The following ZNF746 variants were observed in gnomAD, a reference collection of about 807,000 sequenced individuals.
ZNF746 encodes the protein zinc finger protein 746.
ZNF746 carries 13 observed loss-of-function variants against 41.0 expected under a neutral mutation model. The ratio of observed to expected loss-of-function variants is 0.32; its 90% CI spans 0.21 to 0.50. The LOEUF is 0.50. ZNF746 is among the 20% of genes least tolerant of loss of function. The pLI is 0.98. For missense variants in ZNF746, 811 were observed against 922.9 expected, an observed-to-expected ratio of 0.88 and a Z score of 1.57; for synonymous variants, 424 against 396.2, an observed-to-expected ratio of 1.07 and a Z score of -0.83.
chr7:149,477,540 T>C, intron 5 of ZNF746, 24 bp downstream of exon 5: 1 of 1,576,318 alleles, frequency 6.3e-7, no homozygotes, highest in Non-Finnish European at 8.7e-7. Flanking sequence ...ACTTGTTCCT[T>C]ATGTCCCCGT....
chr7:149,483,656 C>T (rs1157887358), intron 4 of ZNF746, among the ~76,000 whole-genome samples: 2 of 150,378 alleles, frequency 1.3e-5, no homozygotes, highest in Admixed American at 6.6e-5. Context: ...ATGGGTTAAG[C>T]GTCAATGCAA....
At chr7:149,481,532 G>T (rs1219237222) in intron 4 of ZNF746, among the ~76,000 whole-genome samples, 1 of 152,132 alleles carries the variant, frequency 6.6e-6, no homozygotes, top group Non-Finnish European at 1.5e-5. Context: ...ATCCACAAAT[G>T]TGGAATACAT....
Position 149,474,603 on chromosome 7 carries a change from G to T in ZNF746, c.1764C>A (p.Gly588=). ...GGTGGTCCTTGCGGATGAAGCTTTTGCCGCAGACGGTGCAGGTGAAGGGCC... is the reference window on the plus strand; with the variant it reads ...GGTGGTCCTTGCGGATGAAGCTTTTTCCGCAGACGGTGCAGGTGAAGGGCC... ...GVRPFTCTVC[G]KSFIRKDHLR... is the part of the protein sequence containing the mutation. Residue 588 remains glycine (G), a synonymous_variant, in exon 7 of 7, where the codon GGC becomes GGA. Transcript: ENST00000458143. This position sits in a 1 kb window ranked among gnomAD's most constrained non-coding sequence, Gnocchi z 6.3. 1 of 1,613,000 alleles carries T rather than the reference G, an allele frequency of 6.2e-7. No homozygotes were observed. The highest frequency in any genetic ancestry group is 8.5e-7 in the Non-Finnish European group (1 of 1,179,384).
At chr7:149,496,816 T>A in intron 1 of ZNF746, 1 of 985,312 alleles carries the variant, frequency 1.0e-6, no homozygotes, top group Non-Finnish European at 1.2e-6. Flanking sequence ...CCCCTTTCTG[T>A]TTTGCACGAT....
In ZNF746 at chr7:149,475,450, T is replaced by C. The variant is rs748238508; in HGVS notation, c.917A>G (p.Gln306Arg). Residue 306 changes from glutamine (Q) to arginine (R), a missense_variant, in exon 7 of 7, where the codon CAG becomes CGG. Transcript: ENST00000458143. ...GGGTGTGGCCACCACCTCCTCTTCC[T>C]GGACTTCTGTTTTTATTACAATTTT... is the stretch of plus-strand genomic sequence containing the variant. ...DVKIVIKTEVQEEEVVATPVH... is the reference protein window; with the variant it reads ...DVKIVIKTEVREEEVVATPVH... The C allele has an allele frequency of 6.2e-7, 1 of 1,613,356 alleles. No homozygotes were observed. The highest frequency in any genetic ancestry group is 8.5e-7 in the Non-Finnish European group (1 of 1,179,504).
Position 149,494,448 on chromosome 7 carries a change from G to A in ZNF746, c.80C>T (p.Ser27Leu), listed in dbSNP as rs766041859. 17 of 1,613,872 alleles carry A rather than the reference G, an allele frequency of 1.1e-5. No homozygotes were observed. Among genetic ancestry groups the A allele is most frequent in the South Asian group, 2.2e-5 (2 of 91,084 alleles). The change falls in exon 2 of 7, where the codon TCG (serine) becomes TTG (leucine). Residue 27 changes from serine to leucine, a missense_variant. Physicochemically the swap from Ser to Leu is moderately radical, Grantham distance 145. Transcript: ENST00000458143. The surrounding 1 kb of genome is among the most constrained non-coding windows in gnomAD (Gnocchi z 5.6). ...TAGGGAAAGCAGGCGAGCAGCCTGC[G>A]ATTCAATCTTCCTCTCCATGGCCTG... Reference protein sequence around the residue: ...TIQAMERKIESQAARLLSLEG... With the variant: ...TIQAMERKIELQAARLLSLEG...
chr7:149,479,212 A>G (rs1800413850), intron 4 of ZNF746, among the ~76,000 whole-genome samples: 1 of 152,232 alleles, frequency 6.6e-6, no homozygotes, highest in South Asian at 2.1e-4. Flanking sequence ...CAAACAAACA[A>G]ACCTAGACAA....
chr7:149,480,795 T>C (rs1419313393), intron 4 of ZNF746, among the ~76,000 whole-genome samples: 1 of 152,124 alleles, frequency 6.6e-6, no homozygotes, highest in Non-Finnish European at 1.5e-5. Flanking sequence ...AATGATTGAA[T>C]GGTGAATAGT....
Position 149,474,965 on chromosome 7 carries a change from GC to G in ZNF746, c.1401del (p.Phe469SerfsTer16). The G allele has an allele frequency of 6.5e-7, 1 of 1,547,576 alleles. No individual in the cohort carries two copies. Among genetic ancestry groups the G allele is most frequent in the Non-Finnish European group, 8.7e-7 (1 of 1,146,672 alleles). On this transcript the variant is annotated frameshift_variant, in exon 7 of 7. Coordinates refer to ENST00000458143, the MANE Select transcript of ZNF746 (RefSeq NM_001394198.1). LOFTEE classifies it low-confidence loss of function (END_TRUNC). The surrounding 1 kb of genome is among the most constrained non-coding windows in gnomAD (Gnocchi z 6.3). ...KKHPAAPPGG[R>X]PFTCATCGKS... ...TTCCCACACGTGGCGCAGGTGAAGG[GC>G]CGGCCCCCGGGGGGCGCCGCGGGGT... is the stretch of plus-strand genomic sequence containing the variant.
At chr7:149,482,124 G>A (rs977938772) in intron 4 of ZNF746, among the ~76,000 whole-genome samples, 5 of 152,094 alleles carry the variant, frequency 3.3e-5, no homozygotes, top group African/African-American at 1.2e-4. Context: ...CACGGTTTTT[G>A]AAATACGGTA....
chr7:149,493,815 G>A (rs547895316), intron 3 of ZNF746, among the ~76,000 whole-genome samples, 174 bp downstream of exon 3: 26 of 152,290 alleles, frequency 1.7e-4, no homozygotes, highest in African/African-American at 6.3e-4. Flanking sequence ...ACAGGGAGAA[G>A]GGAGCTTTTA....
intron 6 of ZNF746, among the ~76,000 whole-genome samples, chr7:149,476,705 A>G (rs1441711997): frequency 6.6e-6 from 1 of 152,260 alleles, no homozygotes; most frequent in Non-Finnish European, 1.5e-5. Flanking sequence ...AAAAAGCAAC[A>G]GACTGAAACA....
chr7:149,483,104 C>A (rs1233924828), intron 4 of ZNF746, among the ~76,000 whole-genome samples: 2 of 152,138 alleles, frequency 1.3e-5, no homozygotes, highest in African/African-American at 4.8e-5. Context: ...CTAGCTACAA[C>A]ACAATTAAGT....
Position 149,477,262 on chromosome 7 carries a change from C to G in ZNF746, c.758-215G>C, listed in dbSNP as rs973217056. ...ATCATCAGTATGTTTCCCACGGGCCCCTCTCGAATAGAGGCAGCCAGTGAC... is the reference window on the plus strand; with the variant it reads ...ATCATCAGTATGTTTCCCACGGGCCGCTCTCGAATAGAGGCAGCCAGTGAC... On this transcript the variant is annotated intron_variant, in intron 5 of 6. Transcript: ENST00000458143. Among the ~76,000 whole-genome samples, 11 of 152,126 alleles carry G rather than the reference C, an allele frequency of 7.2e-5. 1 individual carries two copies. The South Asian group carries it at 2.1e-3, about 29-fold the overall frequency.
At chr7:149,486,411 CAAA>C (rs78088527) in intron 4 of ZNF746, among the ~76,000 whole-genome samples, 22 of 136,684 alleles carry the variant, frequency 1.6e-4, no homozygotes, top group East Asian at 4.2e-4. Flanking sequence ...TTCACACCAG[CAAA>C]AAAAAAAAAA....
At chr7:149,476,888 A>C in intron 6 of ZNF746, 34 bp downstream of exon 6, 1 of 1,613,508 alleles carries the variant, frequency 6.2e-7, no homozygotes, top group East Asian at 2.2e-5. Context: ...ACAGGCAAGC[A>C]TGGCCCTTCC....
intron 4 of ZNF746, among the ~76,000 whole-genome samples, chr7:149,484,689 A>G (rs1255668796): frequency 0.011 from 2 of 188 alleles, no homozygotes; most frequent in African/African-American, 0.1. Flanking sequence ...TAAAACAAGA[A>G]AAAAAACCCA....
Position 149,475,298 on chromosome 7 carries a change from G to A in ZNF746, c.1069C>T (p.Pro357Ser). ...SQGSSFPSQD[P>S]VLGLREPARP... The stretch of plus-strand genomic sequence containing the variant: ...GCGGGCTCTCGCAGCCCCAGCACAG[G>A]GTCCTGGCTGGGGAAGGAGCTGCCC... The change falls in exon 7 of 7, where the codon CCT becomes TCT. Residue 357 changes from proline (P) to serine (S), a missense_variant. By Grantham distance (74) the Pro-to-Ser change is moderately conservative. This residue lies in a region of ZNF746 where 495 missense variants were observed against 481.6 expected (regional missense o/e 1.03). Transcript: ENST00000458143. 6.2e-7 allele frequency: 1 copy of A among 1,613,836 alleles called. No homozygotes were observed. Among genetic ancestry groups the A allele is most frequent in the Non-Finnish European group, 8.5e-7 (1 of 1,179,940 alleles).
At chr7:149,495,411 G>C (rs758999289) in intron 1 of ZNF746, among the ~76,000 whole-genome samples, 1 of 152,134 alleles carries the variant, frequency 6.6e-6, no homozygotes. Context: ...AATTAGAGAC[G>C]GGGGCCTTCC....
Sources: allele counts gnomAD v4.1 joint callset (sites outside exome capture counted in the v4.1 genomes callset), GRCh38; gene constraint gnomAD v4.1.1; regional missense constraint gnomAD v4.1.1; non-coding constraint Gnocchi (gnomAD v3.1); transcripts MANE v1.5; gene names NCBI Gene and HGNC (gene_info 2026-07-23, HGNC 2026-07-21).